USP20: variants seen among roughly 807,000 people sequenced by gnomAD.
USP20 encodes ubiquitin carboxyl-terminal hydrolase 20.
Under a neutral mutation model 124.2 loss-of-function variants are expected in USP20, and 80 were observed. The observed-to-expected ratio is 0.64, with a 90% CI of 0.54 to 0.78. The LOEUF is 0.78. Among genes scored for constraint, USP20 ranks in the 30% least tolerant of loss-of-function variants. USP20 has a pLI of 0.00. For missense variants in USP20, 1,043 were observed against 1,244.4 expected (o/e 0.84, Z 2.44); for synonymous variants, 481 against 512.3 (o/e 0.94, Z 0.83).
chr9:129,845,990 T>C (rs2032517100), intron 1 of USP20, among the ~76,000 whole-genome samples: 1 of 151,930 alleles, frequency 6.6e-6, no homozygotes, highest in Non-Finnish European at 1.5e-5. Flanking sequence ...AGTGGTGCGA[T>C]CTCGGCTCAC....
At chr9:129,842,503 A>C (rs980118988) in intron 1 of USP20, among the ~76,000 whole-genome samples, 2 of 152,136 alleles carry the variant, frequency 1.3e-5, no homozygotes, top group South Asian at 4.1e-4. Context: ...TTGGGTACCA[A>C]AAGGAAGCAA....
chr9:129,872,484 A>T (rs2034174125), intron 15 of USP20, among the ~76,000 whole-genome samples: 1 of 152,026 alleles, frequency 6.6e-6, no homozygotes, highest in Non-Finnish European at 1.5e-5. Flanking sequence ...ATGTGTCCAG[A>T]TACGTGACTT....
intron 22 of USP20, among the ~76,000 whole-genome samples, chr9:129,876,827 G>C (rs1420674817): frequency 6.6e-6 from 1 of 152,044 alleles, no homozygotes; most frequent in Non-Finnish European, 1.5e-5. Flanking sequence ...GTTATTTTGG[G>C]CTGAATTATT....
intron 9 of USP20, among the ~76,000 whole-genome samples, chr9:129,864,104 C>A (rs1180936914): frequency 4.5e-3 from 612 of 136,394 alleles, no homozygotes; most frequent in South Asian, 4.6e-3. Flanking sequence ...GACTCTGTCT[C>A]AAAAAAAAAA....
intron 4 of USP20, among the ~76,000 whole-genome samples, chr9:129,857,475 G>T (rs909145905): frequency 3.9e-5 from 6 of 152,214 alleles, no homozygotes; most frequent in Non-Finnish European, 8.8e-5. Flanking sequence ...GCTCACAGTG[G>T]AAGCACTGAG....
In USP20 at chr9:129,869,014, A is replaced by T; in HGVS notation, c.1276+12A>T. 6.3e-7 allele frequency: 1 copy of T among 1,594,806 alleles called. No individual in the cohort carries two copies. The highest frequency in any genetic ancestry group is 8.6e-7 in the Non-Finnish European group (1 of 1,168,606). On this transcript the variant is annotated intron_variant, in intron 12 of 25. Transcript: ENST00000372429. ...CGTGCTCAAGAAAGGTTCGGGGGGC[A>T]CGGGAGGGTGGGTCAGCTTGAGGCT... is the stretch of plus-strand genomic sequence containing the variant.
chr9:129,869,904 C>T lies in USP20; in HGVS notation c.1565+60C>T, dbSNP rs1161547088. ...CTGGGCCTGTCCTGGTTTTCCTGGG[C>T]GGGAGACAGTACACAGTGAAGTCCA... On this transcript the variant is annotated intron_variant, in intron 14 of 25. Coordinates refer to ENST00000372429, the MANE Select transcript of USP20 (RefSeq NM_001110303.4). 5.7e-6 allele frequency: 9 copies of T among 1,584,302 alleles called. No individual in the cohort carries two copies. The East Asian group carries it at 1.6e-4, about 28-fold the overall frequency.
chr9:129,857,073 G>A (rs978747872), intron 4 of USP20, among the ~76,000 whole-genome samples: 13 of 151,268 alleles, frequency 8.6e-5, no homozygotes, highest in Middle Eastern at 3.4e-3. Flanking sequence ...AAAAACCCAC[G>A]AGTAAAAACA....
At chr9:129,856,248 C>A in intron 3 of USP20, 59 bp from the exon 4 acceptor site, 3 of 1,556,184 alleles carry the variant, frequency 1.9e-6, no homozygotes. Context: ...AGTCTCAGTG[C>A]TCAGCCCCGC....
chr9:129,871,602 C>T (rs1342196476), intron 15 of USP20, among the ~76,000 whole-genome samples: 1 of 152,194 alleles, frequency 6.6e-6, no homozygotes, highest in Non-Finnish European at 1.5e-5. Context: ...CCACCAGTGA[C>T]GCACAAGAGT....
chr9:129,874,164 C>T (rs1400411075), intron 17 of USP20, among the ~76,000 whole-genome samples: 2 of 152,018 alleles, frequency 1.3e-5, no homozygotes, highest in Non-Finnish European at 2.9e-5. Flanking sequence ...GTGTCAGCGT[C>T]GTGGATGGAA....
chr9:129,852,385 T>A (rs1225828087), intron 2 of USP20, among the ~76,000 whole-genome samples, 155 bp from the exon 3 acceptor site: 1 of 152,114 alleles, frequency 6.6e-6, no homozygotes, highest in African/African-American at 2.4e-5. Context: ...ACAAGGAAAG[T>A]GATGCTCAGA....
At chr9:129,862,564 G>A (rs2062803) in intron 8 of USP20, among the ~76,000 whole-genome samples, 127,914 of 145,842 alleles carry the variant, frequency 0.88, 56,522 homozygotes, top group East Asian at 1. Flanking sequence ...AAAAAAAAAA[G>A]AAAAATTGAC....
Position 129,849,856 on chromosome 9 carries a change from C to G in USP20, c.-85C>G, listed in dbSNP as rs144843297. 6.6e-6 allele frequency: 1 copy of G among 152,254 alleles called. No homozygotes were observed. Among genetic ancestry groups the G allele is most frequent in the South Asian group, 2.1e-4 (1 of 4,828 alleles). The allele number at this position is 152,254 out of a possible 1,614,324, so 9.4% of individuals were successfully genotyped here. On this transcript the variant is annotated 5_prime_UTR_variant, in exon 2 of 26. Transcript: ENST00000372429. ...CCACTCACTCCAGACCCCTATAGCC[C>G]GTCGCTGTCAGCTGTCAACAAAGGA...
intron 22 of USP20, 116 bp from the exon 23 acceptor site, chr9:129,878,222 G>A: frequency 2.5e-6 from 2 of 814,254 alleles, no homozygotes; most frequent in East Asian, 2.7e-5. Flanking sequence ...AGTATCTGGT[G>A]TTTTTGTAAG....
chr9:129,852,461 A>G, intron 2 of USP20, 79 bp from the exon 3 acceptor site: 1 of 1,315,408 alleles, frequency 7.6e-7, no homozygotes. Flanking sequence ...GGCCAAAGTC[A>G]TGTACTTAAC....
intron 10 of USP20, among the ~76,000 whole-genome samples, chr9:129,866,439 T>C (rs557193020): frequency 1.3e-5 from 2 of 152,122 alleles, no homozygotes; most frequent in East Asian, 3.9e-4. Flanking sequence ...ACGTTACAGG[T>C]AAAGAGCTGA....
chr9:129,877,683 T>A (rs2034465302), intron 22 of USP20, among the ~76,000 whole-genome samples: 1 of 148,974 alleles, frequency 6.7e-6, no homozygotes, highest in Non-Finnish European at 1.5e-5. Context: ...GGGCACAGAG[T>A]GAGACCACCC....
At chr9:129,849,180 G>A (rs1349048586) in intron 1 of USP20, among the ~76,000 whole-genome samples, 3 of 152,204 alleles carry the variant, frequency 2.0e-5, no homozygotes, top group Non-Finnish European at 4.4e-5. Flanking sequence ...GAGAGGCCCT[G>A]TAGACCCCTC....
Sources: gnomAD v4.1 joint callset for allele counts (sites outside exome capture counted in the v4.1 genomes callset) on GRCh38, gnomAD v4.1.1 for gene constraint, MANE v1.5 for transcripts, NCBI Gene and HGNC (gene_info 2026-07-23, HGNC 2026-07-21) for gene names.